The following PRKCB variants were observed in gnomAD, a reference collection of about 807,000 sequenced individuals.
PRKCB encodes protein kinase C beta type.
Under a neutral mutation model 81.5 loss-of-function variants are expected in PRKCB, and 13 were observed. The observed-to-expected ratio is 0.16, with a 90% confidence interval of 0.10 to 0.25. The LOEUF (loss-of-function observed/expected upper bound fraction) is 0.25. Among genes scored for constraint, PRKCB ranks in the 10% least tolerant of loss-of-function variants. PRKCB has a pLI of 1.00. For missense variants in PRKCB, 509 were observed against 875.7 expected (o/e 0.58, Z 5.29); for synonymous variants, 335 against 321.4 (o/e 1.04, Z -0.45).
chr16:24,016,581 C>T (rs1189571997), intron 3 of PRKCB, among the ~76,000 whole-genome samples: 1 of 151,728 alleles, frequency 6.6e-6, no homozygotes, highest in East Asian at 1.9e-4. Flanking sequence ...TTAGCAACAA[C>T]CAGTTAAAAT....
intron 3 of PRKCB, among the ~76,000 whole-genome samples, chr16:23,995,157 C>T (rs1369356275): frequency 2.0e-5 from 3 of 152,200 alleles, no homozygotes; most frequent in Non-Finnish European, 2.9e-5. Context: ...GACCCTTCTA[C>T]ATCCGAGAAA....
At chr16:23,961,109 A>T (rs1438466539) in intron 2 of PRKCB, among the ~76,000 whole-genome samples, 1 of 151,752 alleles carries the variant, frequency 6.6e-6, no homozygotes, top group Non-Finnish European at 1.5e-5. Flanking sequence ...AGGTCTCATT[A>T]TGTTGCGCAG....
intron 9 of PRKCB, among the ~76,000 whole-genome samples, chr16:24,145,736 T>G (rs558844360): frequency 1.3e-5 from 2 of 152,356 alleles, no homozygotes; most frequent in South Asian, 2.1e-4. Context: ...TGTGGCCATT[T>G]GCACTGCTCC....
At chr16:23,970,594 G>A (rs935980769) in intron 2 of PRKCB, among the ~76,000 whole-genome samples, 26 of 152,202 alleles carry the variant, frequency 1.7e-4, no homozygotes. Context: ...TTTGGAGTCA[G>A]GTAGACCTGA....
At chr16:24,072,742 G>A (rs1479382929) in intron 5 of PRKCB, among the ~76,000 whole-genome samples, 3 of 151,884 alleles carry the variant, frequency 2.0e-5, no homozygotes, top group East Asian at 1.9e-4. Context: ...CCACCAGACC[G>A]AGCTAATTTT....
intron 3 of PRKCB, among the ~76,000 whole-genome samples, chr16:23,990,326 T>G (rs1227166620): frequency 7.2e-5 from 11 of 151,824 alleles, no homozygotes; most frequent in Admixed American, 7.2e-4. Flanking sequence ...GGCATGGTGG[T>G]GGGCGCCTGT....
intron 2 of PRKCB, among the ~76,000 whole-genome samples, chr16:23,977,077 G>A (rs950276883): frequency 1.3e-5 from 2 of 152,152 alleles, no homozygotes; most frequent in African/African-American, 4.8e-5. Context: ...GTGCTGGGCT[G>A]TGAATAAGCA....
rs372093662 is a variant in PRKCB at position 24,117,964 on chromosome 16, C to T, written c.918+4895C>T. 1.2e-4 allele frequency among the ~76,000 whole-genome samples: 19 copies of T among 152,330 alleles called. 2 individuals are homozygous for T. Among genetic ancestry groups the T allele is most frequent in the Admixed American group, 4.6e-4 (7 of 15,296 alleles). On this transcript the variant is annotated intron_variant, in intron 8 of 16. Transcript: ENST00000643927. The stretch of plus-strand genomic sequence containing the variant: ...ACCCGCACTTTCAATGTGCCCTGTG[C>T]GCTGTGCCCGCTCCTATAACCAGAA...
intron 2 of PRKCB, among the ~76,000 whole-genome samples, chr16:23,985,994 A>G (rs1261837817): frequency 6.6e-6 from 1 of 152,198 alleles, no homozygotes; most frequent in Admixed American, 6.5e-5. Flanking sequence ...GGATGCTGGG[A>G]CAATTGGTTA....
At chr16:23,926,446 T>G (rs1963897484) in intron 2 of PRKCB, among the ~76,000 whole-genome samples, 1 of 148,894 alleles carries the variant, frequency 6.7e-6, no homozygotes, top group Non-Finnish European at 1.5e-5. Flanking sequence ...ATTGCCCCAC[T>G]GCACTCCAGC....
chr16:23,964,594 T>TTGTTATC (rs1964464065), intron 2 of PRKCB, among the ~76,000 whole-genome samples: 1 of 152,198 alleles, frequency 6.6e-6, no homozygotes, highest in South Asian at 2.1e-4. Context: ...AAGGTAAGTA[T>TTGTTATC]TGTTATCCCT....
chr16:24,094,906 C>T (rs2434327), intron 7 of PRKCB, among the ~76,000 whole-genome samples: 8 of 147,468 alleles, frequency 5.4e-5, no homozygotes, highest in Middle Eastern at 3.3e-3. Context: ...GAAAGAAAGA[C>T]GGAAAGCAGG....
At chr16:23,920,197 G>T (rs1461122724) in intron 2 of PRKCB, among the ~76,000 whole-genome samples, 3 of 152,150 alleles carry the variant, frequency 2.0e-5, no homozygotes, top group Non-Finnish European at 2.9e-5. Flanking sequence ...CATTTAATGG[G>T]TATGAGGTGG....
At chr16:24,099,676 GAA>G (rs1336692858) in intron 7 of PRKCB, 6 of 152,180 alleles carry the variant, frequency 3.9e-5, no homozygotes, top group Non-Finnish European at 7.3e-5. Context: ...TTAACAGAAA[GAA>G]ATATTTTATG....
chr16:24,010,680 C>T (rs1965191844), intron 3 of PRKCB, among the ~76,000 whole-genome samples: 1 of 152,118 alleles, frequency 6.6e-6, no homozygotes. Flanking sequence ...GCACCCTCTT[C>T]GTGTCCAGTG....
In PRKCB at chr16:24,220,451, A is replaced by G. The variant is rs947247247; in HGVS notation, c.*5635A>G. 1 of 183,044 alleles carries G rather than the reference A, an allele frequency of 5.5e-6. No individual in the cohort carries two copies. Among genetic ancestry groups the G allele is most frequent in the Admixed American group, 5.8e-5 (1 of 17,360 alleles). The allele number at this position is 183,044 out of a possible 1,614,324, so 11.3% of individuals were successfully genotyped here. On this transcript the variant is annotated 3_prime_UTR_variant, in exon 17 of 17. Coordinates refer to ENST00000643927, the MANE Select transcript of PRKCB (RefSeq NM_002738.7). The stretch of plus-strand genomic sequence containing the variant: ...AAGTCAGAAGCTGATGTTCCTGGTA[A>G]AAGTTTTTACAGTTATTCTATAATA...
intron 2 of PRKCB, among the ~76,000 whole-genome samples, chr16:23,957,207 A>G (rs1038844970): frequency 1.4e-4 from 21 of 152,184 alleles, no homozygotes; most frequent in African/African-American, 4.8e-4. Flanking sequence ...ATGGTTTCCA[A>G]TGTGAATAAA....
intron 15 of PRKCB, among the ~76,000 whole-genome samples, chr16:24,187,951 G>A (rs978145064): frequency 5.9e-5 from 9 of 152,344 alleles, no homozygotes; most frequent in Non-Finnish European, 1.3e-4. Flanking sequence ...CATTAAATGA[G>A]ATAACATAAG....
At chr16:24,002,225 C>T (rs1965044717) in intron 3 of PRKCB, among the ~76,000 whole-genome samples, 1 of 152,052 alleles carries the variant, frequency 6.6e-6, no homozygotes, top group South Asian at 2.1e-4. Context: ...CTCCATGCGT[C>T]CTCTTTTCCT....
Sources: gnomAD v4.1 joint callset for allele counts (sites outside exome capture counted in the v4.1 genomes callset) on GRCh38, gnomAD v4.1.1 for gene constraint, MANE v1.5 for transcripts, NCBI Gene and HGNC (gene_info 2026-07-23, HGNC 2026-07-21) for gene names.